Variants in RAB1A observed in about 807,000 individuals in gnomAD.
RAB1A encodes ras-related protein Rab-1A.
Under a neutral mutation model 26.0 loss-of-function variants are expected in RAB1A, and 2 were observed. The ratio of observed to expected loss-of-function variants is 0.08; its 90% CI spans 0.03 to 0.24. RAB1A has a LOEUF of 0.24. Ranked by LOEUF, RAB1A falls within the 10% of genes least tolerant of loss-of-function variation. RAB1A has a pLI of 1.00. For missense variants in RAB1A, 100 were observed against 247.0 expected (o/e 0.40, Z 3.99); for synonymous variants, 84 against 84.9 (o/e 0.99, Z 0.06).
intron 2 of RAB1A, among the ~76,000 whole-genome samples, chr2:65,102,627 TAAAAAAA>T (rs35458725): frequency 1.4e-5 from 2 of 145,150 alleles, no homozygotes; most frequent in African/African-American, 5.1e-5. Flanking sequence ...TCTTTCAAGT[TAAAAAAA>T]AAAAAAAAAA....
chr2:65,124,584 A>C (rs958165990), intron 1 of RAB1A, among the ~76,000 whole-genome samples: 28 of 152,156 alleles, frequency 1.8e-4, no homozygotes, highest in Middle Eastern at 3.4e-3. Flanking sequence ...AGCAGCTGGG[A>C]CTACACGCAG....
Position 65,104,775 on chromosome 2 carries a change from C to T in RAB1A, c.55G>A (p.Asp19Asn), listed in dbSNP as rs1426784587. ...DYLFKLLLIGDSGVGKSCLLL... is the reference protein window; with the variant it reads ...DYLFKLLLIGNSGVGKSCLLL... ...AGGCAAGACTTTCCAACCCCTGAGTCGCCAATCAGAAGTAACTTGAATAAA... is the reference window on the plus strand; with the variant it reads ...AGGCAAGACTTTCCAACCCCTGAGTTGCCAATCAGAAGTAACTTGAATAAA... Residue 19 changes from aspartate (D) to asparagine (N), a missense_variant, in exon 2 of 6, where the codon GAC becomes AAC. By Grantham distance (23) the Asp-to-Asn change is conservative. Coordinates refer to ENST00000409784, the MANE Select transcript of RAB1A (RefSeq NM_004161.5). The T allele has an allele frequency of 1.9e-6, 3 of 1,605,772 alleles. No homozygotes were observed. The highest frequency in any genetic ancestry group is 2.6e-6 in the Non-Finnish European group (3 of 1,175,164).
Position 65,086,878 on chromosome 2 carries a change from T to G in RAB1A, c.*1615A>C, listed in dbSNP as rs956282613. On this transcript the variant is annotated 3_prime_UTR_variant, in exon 6 of 6. Transcript: ENST00000409784. ...ATACAAAGTAAACTATGATTTTTATTGTGAAATTTTCATAGATGGAAAATT... is the reference window on the plus strand; with the variant it reads ...ATACAAAGTAAACTATGATTTTTATGGTGAAATTTTCATAGATGGAAAATT... 2 of 152,654 alleles carry G rather than the reference T, an allele frequency of 1.3e-5. No individual in the cohort carries two copies. The highest frequency in any genetic ancestry group is 2.4e-5 in the African/African-American group (1 of 41,458). The allele number at this position is 152,654 out of a possible 1,614,324, so 9.5% of individuals were successfully genotyped here. A position where few individuals can be genotyped will look rare whatever the true frequency, so the allele number is the denominator to read the frequency against.
chr2:65,128,531 A>G (rs10208485), intron 1 of RAB1A, among the ~76,000 whole-genome samples: 136,694 of 152,192 alleles, frequency 0.9, 61,519 homozygotes, highest in East Asian at 1. Context: ...AACTTCTAAA[A>G]CATGAAATTC....
At chr2:65,121,272 G>A (rs1371983482) in intron 1 of RAB1A, among the ~76,000 whole-genome samples, 1 of 150,440 alleles carries the variant, frequency 6.6e-6, no homozygotes, top group Non-Finnish European at 1.5e-5. Context: ...CACGTGGCTG[G>A]CACCGAGTAA....
chr2:65,127,951 G>T (rs973850802), intron 1 of RAB1A, among the ~76,000 whole-genome samples: 3 of 152,088 alleles, frequency 2.0e-5, no homozygotes, highest in Admixed American at 2.0e-4. Flanking sequence ...ACCGAGGATG[G>T]TCTCGATCTC....
At chr2:65,126,416 G>C (rs1268755956) in intron 1 of RAB1A, among the ~76,000 whole-genome samples, 1 of 151,356 alleles carries the variant, frequency 6.6e-6, no homozygotes, top group Non-Finnish European at 1.5e-5. Context: ...GCCAAGGCCC[G>C]GGCGACAGAG....
intron 1 of RAB1A, among the ~76,000 whole-genome samples, chr2:65,126,340 A>G (rs1329870779): frequency 6.6e-6 from 1 of 151,964 alleles, no homozygotes; most frequent in Non-Finnish European, 1.5e-5. Context: ...AAAGAAAACA[A>G]AAACAAAAAA....
rs1669045789 is a variant in RAB1A at position 65,086,938 on chromosome 2, AC to A, written c.*1554del. The A allele has an allele frequency of 6.6e-6, 1 of 152,614 alleles. No homozygotes were observed. Among genetic ancestry groups the A allele is most frequent in the African/African-American group, 2.4e-5 (1 of 41,454 alleles). The allele number at this position is 152,614 out of a possible 1,614,324, so 9.5% of individuals were successfully genotyped here. A position where few individuals can be genotyped will look rare whatever the true frequency, so the allele number is the denominator to read the frequency against. ...GTCCATTTCATTTTACAATTATCTT[AC>A]CACTTATTTTTGTACCATGTATTTC... On this transcript the variant is annotated 3_prime_UTR_variant, in exon 6 of 6. Coordinates refer to ENST00000409784, the MANE Select transcript of RAB1A (RefSeq NM_004161.5).
chr2:65,089,172 G>GAGTTGTCTCACTAGCTCT, intron 4 of RAB1A, 102 bp from the exon 5 acceptor site: 5 of 1,116,708 alleles, frequency 4.5e-6, no homozygotes, highest in Non-Finnish European at 6.3e-6. Context: ...CAAAGAGCTA[G>GAGTTGTCTCACTAGCTCT]TGAGACAACT....
At chr2:65,107,303 A>G (rs1332391620) in intron 1 of RAB1A, among the ~76,000 whole-genome samples, 1 of 146,360 alleles carries the variant, frequency 6.8e-6, no homozygotes, top group Non-Finnish European at 1.5e-5. Context: ...AACCTCAGGT[A>G]ATCTGCTCAC....
At chr2:65,101,742 C>CTTTTTTTTTTTTTTT (rs71401771) in intron 2 of RAB1A, among the ~76,000 whole-genome samples, 3 of 70,664 alleles carry the variant, frequency 4.2e-5, no homozygotes, top group African/African-American at 6.8e-5. Context: ...GTATTACTTC[C>CTTTTTTTTTTTTTTT]TTTTTTTTTT....
At chr2:65,110,440 A>T (rs1669669286) in intron 1 of RAB1A, among the ~76,000 whole-genome samples, 1 of 148,112 alleles carries the variant, frequency 6.8e-6, no homozygotes, top group East Asian at 1.9e-4. Context: ...GACCGTCTCA[A>T]AAAAAAAAAA....
intron 1 of RAB1A, among the ~76,000 whole-genome samples, chr2:65,124,136 C>T (rs115859858): frequency 2.7e-4 from 41 of 152,202 alleles, no homozygotes; most frequent in African/African-American, 9.4e-4. Flanking sequence ...TACAAGCGCA[C>T]ACCACCACGC....
chr2:65,113,573 T>C (rs922625063), intron 1 of RAB1A, among the ~76,000 whole-genome samples: 1 of 152,206 alleles, frequency 6.6e-6, no homozygotes, highest in Non-Finnish European at 1.5e-5. Flanking sequence ...CATGGAACAA[T>C]ATTCTTTAAA....
At chr2:65,091,526 G>T (rs547969100) in intron 3 of RAB1A, among the ~76,000 whole-genome samples, 53 of 152,122 alleles carry the variant, frequency 3.5e-4, no homozygotes, top group African/African-American at 1.3e-3. Context: ...TCCCAAGCAG[G>T]TGTCTTTTTT....
intron 1 of RAB1A, among the ~76,000 whole-genome samples, chr2:65,111,140 T>C (rs544762216): frequency 1.4e-4 from 22 of 152,030 alleles, no homozygotes; most frequent in African/African-American, 3.4e-4. Flanking sequence ...CGCGGGTGGA[T>C]TGCCTGAGCT....
chr2:65,125,567 G>T (rs1372916465), intron 1 of RAB1A, among the ~76,000 whole-genome samples: 3 of 151,456 alleles, frequency 2.0e-5, no homozygotes, highest in Admixed American at 1.3e-4. Flanking sequence ...AATTACAGGC[G>T]TGCACCACCA....
chr2:65,104,913 C>G, intron 1 of RAB1A, 107 bp from the exon 2 acceptor site: 1 of 940,500 alleles, frequency 1.1e-6, no homozygotes, highest in Non-Finnish European at 1.8e-6. Flanking sequence ...GTGAAGACTA[C>G]ATCTCCTATA....
Sources: gnomAD v4.1 joint callset for allele counts (sites outside exome capture counted in the v4.1 genomes callset) on GRCh38, gnomAD v4.1.1 for gene constraint, MANE v1.5 for transcripts, NCBI Gene and HGNC (gene_info 2026-07-23, HGNC 2026-07-21) for gene names.